Variants in B3GNT3 observed in about 807,000 individuals in gnomAD.
B3GNT3 encodes UDP-GlcNAc:betaGal beta-1,3-N-acetylglucosaminyltransferase 3.
In B3GNT3, 7 loss-of-function variants were observed where a neutral mutation model predicts 11.6. The ratio of observed to expected loss-of-function variants is 0.60; its 90% CI spans 0.34 to 1.13. The LOEUF (loss-of-function observed/expected upper bound fraction) is 1.13. Ranked by LOEUF, B3GNT3 falls within the 50% of genes most tolerant of loss-of-function variation. The pLI is 0.03. For missense variants in B3GNT3, 400 were observed against 507.4 expected (o/e 0.79, Z 2.03); for synonymous variants, 201 against 222.1 (o/e 0.90, Z 0.85).
At chr19:17,806,972 G>C (rs372864998) in intron 1 of B3GNT3, among the ~76,000 whole-genome samples, 14 of 150,372 alleles carry the variant, frequency 9.3e-5, no homozygotes, top group African/African-American at 3.4e-4. Flanking sequence ...AAAGTCCTGG[G>C]TTCTGATACT....
chr19:17,799,100 C>T (rs75570979), intron 1 of B3GNT3, among the ~76,000 whole-genome samples: 202 of 152,272 alleles, frequency 1.3e-3, no homozygotes, highest in African/African-American at 4.4e-3. Flanking sequence ...TGTAGTCAAA[C>T]GGGATTCTTC....
chr19:17,807,961 C>CCCGG lies in B3GNT3; in HGVS notation c.155_156insCGGC (p.Pro53GlyfsTer51). 3 of 1,611,372 alleles carry CCCGG rather than the reference C, an allele frequency of 1.9e-6. No homozygotes were observed. The highest frequency in any genetic ancestry group is 2.5e-6 in the Non-Finnish European group (3 of 1,178,636). On this transcript the variant is annotated frameshift_variant, in exon 2 of 3. Transcript: ENST00000318683. LOFTEE classifies it high-confidence loss of function. ...CCCCGAGGCCCTGGCCTGGCCCACT[C>CCCGG]CACCCACCCGCCCAGCCCCGGCCCC...
In B3GNT3 at chr19:17,811,545, G is replaced by T; in HGVS notation, c.568-26G>T. 1 of 1,590,944 alleles carries T rather than the reference G, an allele frequency of 6.3e-7. No individual in the cohort carries two copies. On this transcript the variant is annotated intron_variant, in intron 2 of 2. Coordinates refer to ENST00000318683, the MANE Select transcript of B3GNT3 (RefSeq NM_014256.4). The surrounding 1 kb of genome is among the most constrained non-coding windows in gnomAD (Gnocchi z 4.1). The stretch of plus-strand genomic sequence containing the variant: ...GCCAATTTCTCCAGCCCTCAAGCAA[G>T]CATGCCCTGTCCACCCTGCCTGCAG...
At chr19:17,804,938 A>T (rs1271068874) in intron 1 of B3GNT3, among the ~76,000 whole-genome samples, 1 of 150,690 alleles carries the variant, frequency 6.6e-6, no homozygotes, top group East Asian at 2.0e-4. Flanking sequence ...TCTTCCACCT[A>T]GATGTTACCC....
At chr19:17,808,460 G>A (rs1409815743) in intron 2 of B3GNT3, 86 bp downstream of exon 2, 1 of 1,377,418 alleles carries the variant, frequency 7.3e-7, no homozygotes, top group Non-Finnish European at 9.8e-7. Context: ...CAGGGGACCA[G>A]AAGTCCTCGT....
At position 17,795,150 on chromosome 19, in the gene B3GNT3, C is replaced by G. The variant is rs2094157962; in HGVS notation, c.-107C>G. 6.6e-6 allele frequency: 1 copy of G among 152,328 alleles called. No homozygotes were observed. The highest frequency in any genetic ancestry group is 2.4e-5 in the African/African-American group (1 of 41,390). 9.4% of individuals were successfully genotyped at this position (152,328 alleles called of 1,614,324 possible). On this transcript the variant is annotated 5_prime_UTR_variant, in exon 1 of 3. Coordinates refer to ENST00000318683, the MANE Select transcript of B3GNT3 (RefSeq NM_014256.4). ...CTGGCTCAGGTAAAAACTCTTTCTT[C>G]GGCTCGCGAGCTGAGAGGAGCAGGT...
intron 1 of B3GNT3, among the ~76,000 whole-genome samples, chr19:17,804,954 C>T (rs1229846609): frequency 6.6e-6 from 1 of 151,594 alleles, no homozygotes; most frequent in African/African-American, 2.4e-5. Flanking sequence ...TACCCAATCT[C>T]CCCCCACCCA....
intron 1 of B3GNT3, 125 bp from the exon 2 acceptor site, chr19:17,807,633 T>G: frequency 1.6e-6 from 1 of 630,196 alleles, no homozygotes; most frequent in Non-Finnish European, 2.7e-6. Context: ...GTGGAGGAGT[T>G]AAGTGGGGGG....
intron 1 of B3GNT3, among the ~76,000 whole-genome samples, chr19:17,804,381 A>C (rs1020280516): frequency 6.7e-6 from 1 of 150,174 alleles, no homozygotes; most frequent in African/African-American, 2.4e-5. Context: ...CTGGGATTAC[A>C]GACACGCACC....
chr19:17,795,598 C>T (rs2094158667), intron 1 of B3GNT3, among the ~76,000 whole-genome samples: 1 of 152,142 alleles, frequency 6.6e-6, no homozygotes, highest in Non-Finnish European at 1.5e-5. Flanking sequence ...GCGCTGGGGT[C>T]CCCGGTTGGG....
At chr19:17,805,727 T>C (rs543290119) in intron 1 of B3GNT3, among the ~76,000 whole-genome samples, 1 of 152,330 alleles carries the variant, frequency 6.6e-6, no homozygotes, top group African/African-American at 2.4e-5. Flanking sequence ...TCCCTGATCC[T>C]AGGTTGCTCA....
At chr19:17,809,553 T>A (rs1038975523) in intron 2 of B3GNT3, among the ~76,000 whole-genome samples, 1 of 151,722 alleles carries the variant, frequency 6.6e-6, no homozygotes, top group African/African-American at 2.4e-5. Context: ...TTCAAGTGAT[T>A]CTCCTGCCTC....
rs1340641267 is a variant in B3GNT3, at chr19:17,811,421, T to C, written c.568-150T>C. On this transcript the variant is annotated intron_variant, in intron 2 of 2. Transcript: ENST00000318683. This position sits in a 1 kb window ranked among gnomAD's most constrained non-coding sequence, Gnocchi z 4.1. ...TTGAAACCAAGGCACAGAGAGGGTT[T>C]CCCAAGTAACCCCACAGGGCAGGGC... The C allele has an allele frequency of 3.9e-6, 3 of 762,162 alleles. No individual in the cohort carries two copies. The highest frequency in any genetic ancestry group is 6.2e-6 in the Non-Finnish European group (3 of 487,332). The allele number at this position is 762,162 out of a possible 1,614,324, so 47.2% of individuals were successfully genotyped here.
chr19:17,800,714 C>T (rs1028998915), intron 1 of B3GNT3, among the ~76,000 whole-genome samples: 7 of 152,044 alleles, frequency 4.6e-5, no homozygotes, highest in Admixed American at 6.6e-5. Context: ...TGCCTGTAAT[C>T]CCAGCACTTT....
At chr19:17,804,207 C>G (rs1299110818) in intron 1 of B3GNT3, among the ~76,000 whole-genome samples, 1 of 135,930 alleles carries the variant, frequency 7.4e-6, no homozygotes, top group Non-Finnish European at 1.6e-5. Flanking sequence ...TCTTATTTTC[C>G]TTTTTTTTTT....
intron 1 of B3GNT3, among the ~76,000 whole-genome samples, chr19:17,799,376 C>A (rs2094163200): frequency 6.7e-6 from 1 of 149,012 alleles, no homozygotes; most frequent in African/African-American, 2.5e-5. Context: ...TCAAGCGATT[C>A]TCCTGCCTCA....
chr19:17,804,240 C>CTTTTTTTTTTTTTTT (rs773524591), intron 1 of B3GNT3, among the ~76,000 whole-genome samples: 7 of 112,186 alleles, frequency 6.2e-5, no homozygotes, highest in Non-Finnish European at 1.1e-4. Context: ...TCTTTTTTTT[C>CTTTTTTTTTTTTTTT]TTTTTTTTTT....
chr19:17,804,240 C>CTTTTTTTTTTT (rs773524591), intron 1 of B3GNT3, among the ~76,000 whole-genome samples: 17 of 112,184 alleles, frequency 1.5e-4, no homozygotes, highest in Non-Finnish European at 2.0e-4. Flanking sequence ...TCTTTTTTTT[C>CTTTTTTTTTTT]TTTTTTTTTT....
At chr19:17,805,106 A>AT (rs60752281) in intron 1 of B3GNT3, among the ~76,000 whole-genome samples, 21,442 of 131,970 alleles carry the variant, frequency 0.16, 1,907 homozygotes, top group Non-Finnish European at 0.21. Context: ...GACCACAGGG[A>AT]TTTTTTTTTT....
Sources: allele counts gnomAD v4.1 joint callset (sites outside exome capture counted in the v4.1 genomes callset), GRCh38; gene constraint gnomAD v4.1.1; non-coding constraint Gnocchi (gnomAD v3.1); transcripts MANE v1.5; gene names NCBI Gene and HGNC (gene_info 2026-07-23, HGNC 2026-07-21).